The following TBC1D22A variants were observed in gnomAD, a reference collection of about 807,000 sequenced individuals.
TBC1D22A encodes the protein putative GTPase activator.
In TBC1D22A, 38 loss-of-function variants were observed where a neutral mutation model predicts 60.2. That is an observed-to-expected ratio of 0.63 (90% CI 0.49 to 0.83). The LOEUF (loss-of-function observed/expected upper bound fraction) is 0.83. Among genes scored for constraint, TBC1D22A ranks in the 40% least tolerant of loss-of-function variants. TBC1D22A has a pLI of 0.00. For missense variants in TBC1D22A, 628 were observed against 701.0 expected, an observed-to-expected ratio of 0.90 and a Z score of 1.18; for synonymous variants, 302 against 281.7, an observed-to-expected ratio of 1.07 and a Z score of -0.72.
At chr22:46,916,348 C>T (rs1311818500) in intron 8 of TBC1D22A, among the ~76,000 whole-genome samples, 2 of 152,130 alleles carry the variant, frequency 1.3e-5, no homozygotes, top group African/African-American at 4.8e-5. Flanking sequence ...GGTTAGGGTT[C>T]GATGGGTCTC....
chr22:47,105,557 T>G (rs1445943651), intron 11 of TBC1D22A, among the ~76,000 whole-genome samples: 1 of 152,214 alleles, frequency 6.6e-6, no homozygotes, highest in Non-Finnish European at 1.5e-5. Flanking sequence ...TTTCTTAGCC[T>G]TGGCCAGGTT....
At chr22:46,863,192 TG>T (rs1161166353) in intron 4 of TBC1D22A, among the ~76,000 whole-genome samples, 1 of 152,176 alleles carries the variant, frequency 6.6e-6, no homozygotes, top group Non-Finnish European at 1.5e-5. Context: ...TTGAGTCTGA[TG>T]GGCACCCATG....
chr22:47,030,206 G>A (rs2062422639), intron 10 of TBC1D22A, among the ~76,000 whole-genome samples: 1 of 152,186 alleles, frequency 6.6e-6, no homozygotes, highest in African/African-American at 2.4e-5. Flanking sequence ...CAGCCAAAGC[G>A]TGATGTATTT....
At chr22:46,918,978 G>GT (rs2070565914) in intron 8 of TBC1D22A, among the ~76,000 whole-genome samples, 1 of 152,268 alleles carries the variant, frequency 6.6e-6, no homozygotes, top group South Asian at 2.1e-4. Context: ...TACTACTGCT[G>GT]TTTAAAAACA....
intron 4 of TBC1D22A, among the ~76,000 whole-genome samples, chr22:46,869,906 A>G (rs2067227343): frequency 6.6e-6 from 1 of 152,348 alleles, no homozygotes; most frequent in Non-Finnish European, 1.5e-5. Context: ...TTCTTTGCAT[A>G]CACCACTTTG....
intron 6 of TBC1D22A, among the ~76,000 whole-genome samples, chr22:46,893,869 A>T (rs2068533047): frequency 1.3e-5 from 2 of 152,090 alleles, no homozygotes; most frequent in Admixed American, 6.5e-5. Flanking sequence ...TTGGCTGTTG[A>T]CTCACAATCT....
chr22:47,153,008 G>A (rs966694295), intron 12 of TBC1D22A, among the ~76,000 whole-genome samples: 2 of 152,198 alleles, frequency 1.3e-5, no homozygotes, highest in Admixed American at 1.3e-4. Context: ...AAGGAGGTCC[G>A]AGGCAGGCAG....
chr22:46,889,862 A>G (rs12170484), intron 5 of TBC1D22A, among the ~76,000 whole-genome samples: 1 of 152,192 alleles, frequency 6.6e-6, no homozygotes, highest in East Asian at 1.9e-4. Context: ...ACTGGGAAGT[A>G]TACAGGGGCG....
rs185136975 is a variant in TBC1D22A, at chr22:47,137,554, A to C, written c.1425+25951A>C. On this transcript the variant is annotated intron_variant, in intron 12 of 12. Transcript: ENST00000337137. ...CAGGGGTGCTGGATACCTCTGCCCA[A>C]AGCCCCACATTCTGTGCCCCTTGGA... is the stretch of plus-strand genomic sequence containing the variant. Among the ~76,000 whole-genome samples the C allele has an allele frequency of 2.2e-4, 34 of 152,302 alleles. No individual in the cohort carries two copies. The East Asian group carries it at 5.8e-3, about 26-fold the overall frequency.
rs1363188199 is a variant in TBC1D22A at position 46,861,298 on chromosome 22, A to C, written c.638-17355A>C. Among the ~76,000 whole-genome samples the C allele has an allele frequency of 2.0e-5, 3 of 152,202 alleles. No individual in the cohort carries two copies. In the South Asian group the frequency reaches 6.2e-4, roughly 31 times the overall value. On this transcript the variant is annotated intron_variant, in intron 4 of 12. Transcript: ENST00000337137. ...ATGACTTAACAGTTAATTGTAGGAC[A>C]GTTTCTAGAATAAAATGTGTCTCTA...
chr22:46,781,005 G>A (rs1020560692), intron 1 of TBC1D22A, among the ~76,000 whole-genome samples: 3 of 152,158 alleles, frequency 2.0e-5, no homozygotes, highest in Non-Finnish European at 4.4e-5. Context: ...AAGAGTTGGT[G>A]TTGATGTCAG....
chr22:47,090,898 A>T (rs1200522370), intron 11 of TBC1D22A, among the ~76,000 whole-genome samples: 2 of 94,534 alleles, frequency 2.1e-5, no homozygotes, highest in Non-Finnish European at 3.9e-5. Flanking sequence ...GACAGGCAGG[A>T]GAAGTCGTCT....
At position 46,773,829 on chromosome 22, in the gene TBC1D22A, C is replaced by T. The variant is rs542888773; in HGVS notation, c.62+10981C>T. 3.0e-5 allele frequency: 19 copies of T among 639,760 alleles called. No individual in the cohort carries two copies. The East Asian group carries it at 2.5e-3, about 84-fold the overall frequency. The allele number at this position is 639,760 out of a possible 1,614,324, so 39.6% of individuals were successfully genotyped here. ...GTCCTCATAGCAGCTGGGGGTGGTA[C>T]CGTGTGGTCCCTATTTTACAAATGA... On this transcript the variant is annotated intron_variant, in intron 1 of 12. Coordinates refer to ENST00000337137, the MANE Select transcript of TBC1D22A (RefSeq NM_014346.5).
intron 4 of TBC1D22A, among the ~76,000 whole-genome samples, chr22:46,801,082 C>T (rs902206138): frequency 1.3e-5 from 2 of 152,142 alleles, no homozygotes; most frequent in African/African-American, 2.4e-5. Context: ...GATTTTAGCA[C>T]GTAAAAATCA....
At chr22:47,155,471 C>T (rs1275284872) in intron 12 of TBC1D22A, among the ~76,000 whole-genome samples, 1 of 152,232 alleles carries the variant, frequency 6.6e-6, no homozygotes, top group African/African-American at 2.4e-5. Context: ...AGAGCCTGCA[C>T]TCCGGGCTCC....
chr22:47,104,034 C>A (rs937057444), intron 11 of TBC1D22A, among the ~76,000 whole-genome samples: 1 of 152,116 alleles, frequency 6.6e-6, no homozygotes. Flanking sequence ...TGGCTGGGCA[C>A]GGTGGCTCAC....
intron 11 of TBC1D22A, among the ~76,000 whole-genome samples, chr22:47,076,987 A>G (rs146815664): frequency 1.0e-3 from 154 of 152,286 alleles, no homozygotes; most frequent in Admixed American, 2.0e-3. Context: ...GAAGGGCATC[A>G]TGCCTTCTTC....
At chr22:46,846,627 C>T (rs1354944489) in intron 4 of TBC1D22A, among the ~76,000 whole-genome samples, 1 of 152,192 alleles carries the variant, frequency 6.6e-6, no homozygotes, top group African/African-American at 2.4e-5. Flanking sequence ...GCACAAAGAT[C>T]GAGAGAACAG....
chr22:47,128,768 G>A (rs1329991423), intron 12 of TBC1D22A, among the ~76,000 whole-genome samples: 2 of 152,110 alleles, frequency 1.3e-5, no homozygotes, highest in African/African-American at 2.4e-5. Context: ...GGACAGTCAC[G>A]TGGACTCCGG....
Sources: allele counts gnomAD v4.1 joint callset (sites outside exome capture counted in the v4.1 genomes callset), GRCh38; gene constraint gnomAD v4.1.1; transcripts MANE v1.5; gene names NCBI Gene and HGNC (gene_info 2026-07-23, HGNC 2026-07-21).